Variants in MYO5B observed in about 807,000 individuals in gnomAD.
The protein encoded by MYO5B is myosin VB.
A neutral mutation model predicts 229.3 loss-of-function variants in MYO5B; 143 were observed. That is an observed-to-expected ratio of 0.62 (90% CI 0.54 to 0.72). The LOEUF (loss-of-function observed/expected upper bound fraction) is 0.72, where lower values mean the gene tolerates loss of function less well. Among genes scored for constraint, MYO5B ranks in the 30% least tolerant of loss-of-function variants. The probability of loss-of-function intolerance (pLI) is 0.00; values close to 1 mark genes in which losing one functional copy is unlikely to be tolerated. For missense variants in MYO5B, 2,321 were observed against 2,331.0 expected (o/e 1.00, Z 0.09); for synonymous variants, 918 against 885.2 (o/e 1.04, Z -0.66).
intron 1 of MYO5B, among the ~76,000 whole-genome samples, chr18:50,132,489 G>T (rs1308043251): frequency 6.6e-6 from 1 of 152,220 alleles, no homozygotes; most frequent in Non-Finnish European, 1.5e-5. Flanking sequence ...AATTAATAAT[G>T]CTGATATATA....
chr18:49,951,591 T>C (rs149107299), intron 14 of MYO5B, among the ~76,000 whole-genome samples: 9 of 152,336 alleles, frequency 5.9e-5, no homozygotes, highest in African/African-American at 2.2e-4. Context: ...CACTCCTTTT[T>C]AGATTCTGGA....
rs149501969 is a variant in MYO5B at position 49,932,200 on chromosome 18, G to A, written c.2004-2602C>T. On this transcript the variant is annotated intron_variant, in intron 16 of 39. Transcript: ENST00000285039. ...CTCTGTTCTGGTATCCCCACATCATGCTTCCTGACCTCTGGCATCCCAGTT... is the reference window on the plus strand; with the variant it reads ...CTCTGTTCTGGTATCCCCACATCATACTTCCTGACCTCTGGCATCCCAGTT... Among the ~76,000 whole-genome samples, 461 of 152,250 alleles carry A rather than the reference G, an allele frequency of 3.0e-3. 3 individuals are homozygous for A. Among genetic ancestry groups the A allele is most frequent in the African/African-American group, 0.011 (440 of 41,552 alleles).
rs150259906 is a variant in MYO5B at position 49,928,727 on chromosome 18, C to T, written c.2090+785G>A. Among the ~76,000 whole-genome samples the T allele has an allele frequency of 2.3e-3, 346 of 152,262 alleles. 2 individuals are homozygous for T. The highest frequency in any genetic ancestry group is 3.4e-3 in the Non-Finnish European group (232 of 68,020). On this transcript the variant is annotated intron_variant, in intron 17 of 39. Transcript: ENST00000285039. ...TGCAAAAATATGGAACCAGCCCACACGCCCAGTCAATGAGTGGATAAAGAA... is the reference window on the plus strand; with the variant it reads ...TGCAAAAATATGGAACCAGCCCACATGCCCAGTCAATGAGTGGATAAAGAA...
chr18:49,899,608 TG>T (rs2024817946), intron 21 of MYO5B, among the ~76,000 whole-genome samples: 1 of 152,254 alleles, frequency 6.6e-6, no homozygotes, highest in Non-Finnish European at 1.5e-5. Flanking sequence ...ATCCCAGCCA[TG>T]CTACTTACTA....
chr18:50,153,118 A>G (rs1248234418), intron 1 of MYO5B, among the ~76,000 whole-genome samples: 2 of 152,168 alleles, frequency 1.3e-5, no homozygotes, highest in Non-Finnish European at 2.9e-5. Flanking sequence ...AAGACTAATC[A>G]ATGTCCTGTG....
intron 1 of MYO5B, among the ~76,000 whole-genome samples, chr18:50,118,007 A>G (rs1197501544): frequency 6.6e-6 from 1 of 152,160 alleles, no homozygotes; most frequent in Admixed American, 6.5e-5. Flanking sequence ...AGGATAATAA[A>G]TTCAAGTGGA....
chr18:49,917,236 T>C (rs1470128550), intron 17 of MYO5B, among the ~76,000 whole-genome samples: 1 of 152,204 alleles, frequency 6.6e-6, no homozygotes, highest in East Asian at 1.9e-4. Flanking sequence ...CAGCACCTAT[T>C]GTCATGGTGT....
chr18:50,130,037 T>C (rs1342712724), intron 1 of MYO5B, among the ~76,000 whole-genome samples: 1 of 152,108 alleles, frequency 6.6e-6, no homozygotes, highest in African/African-American at 2.4e-5. Flanking sequence ...ACCTGAGCAC[T>C]CAGCATGTTC....
At chr18:49,988,989 C>T (rs139856424) in intron 7 of MYO5B, among the ~76,000 whole-genome samples, 18 of 152,258 alleles carry the variant, frequency 1.2e-4, no homozygotes, top group African/African-American at 4.1e-4. Context: ...TCCCTGGGGT[C>T]CCAATTTAAA....
At chr18:49,901,069 G>A (rs2024836126) in intron 21 of MYO5B, among the ~76,000 whole-genome samples, 1 of 152,220 alleles carries the variant, frequency 6.6e-6, no homozygotes, top group Non-Finnish European at 1.5e-5. Flanking sequence ...TCAAATAAGA[G>A]TGAACACAAA....
rs537178322 is a variant in MYO5B at position 50,006,527 on chromosome 18, G to A, written c.456-5116C>T. Reference sequence around the variant, plus strand: ...AGGTAAGGAACTTAGCCATTCTGCAGCTTCCAGGCAAAAGACCTGACAACC... The same window carrying A: ...AGGTAAGGAACTTAGCCATTCTGCAACTTCCAGGCAAAAGACCTGACAACC... On this transcript the variant is annotated intron_variant, in intron 4 of 39. Coordinates refer to ENST00000285039, the MANE Select transcript of MYO5B (RefSeq NM_001080467.3). 5.9e-5 allele frequency among the ~76,000 whole-genome samples: 9 copies of A among 152,300 alleles called. No homozygotes were observed. In the South Asian group the frequency reaches 1.7e-3, roughly 28 times the overall value.
At chr18:50,065,535 T>C (rs2030798524) in intron 1 of MYO5B, among the ~76,000 whole-genome samples, 1 of 152,098 alleles carries the variant, frequency 6.6e-6, no homozygotes, top group Non-Finnish European at 1.5e-5. Context: ...GATCTCATGA[T>C]AACTCACTCA....
chr18:50,088,862 G>A (rs186831005), intron 1 of MYO5B, among the ~76,000 whole-genome samples: 2 of 152,142 alleles, frequency 1.3e-5, no homozygotes, highest in African/African-American at 4.8e-5. Flanking sequence ...CACCTTTTTG[G>A]TTCTTCCAAA....
At chr18:49,858,038 G>A (rs1487373704) in intron 29 of MYO5B, among the ~76,000 whole-genome samples, 1 of 152,100 alleles carries the variant, frequency 6.6e-6, no homozygotes, top group African/African-American at 2.4e-5. Context: ...TCATTCCCAG[G>A]GTGCAAACCA....
chr18:49,853,728 G>C, intron 30 of MYO5B, 81 bp from the exon 31 acceptor site: 2 of 1,338,538 alleles, frequency 1.5e-6, no homozygotes, highest in Admixed American at 1.9e-5. Context: ...AACATAACAG[G>C]GGAGCAGCCA....
intron 10 of MYO5B, chr18:49,969,659 G>C (rs1875619412): frequency 6.6e-6 from 1 of 152,308 alleles, no homozygotes; most frequent in African/African-American, 2.4e-5. Context: ...TGGGATTATA[G>C]GCATGAGCCA....
Position 49,839,341 on chromosome 18 carries a change from C to G in MYO5B, c.4702-47G>C, listed in dbSNP as rs752683094. ...CTACTGAGTTCTCTGGTCTGCTGGG[C>G]CCAGCACAACTTCCAGGGCTCTGGT... On this transcript the variant is annotated intron_variant, in intron 35 of 39. Transcript: ENST00000285039. The G allele has an allele frequency of 9.4e-6, 15 of 1,603,674 alleles. No homozygotes were observed. In the East Asian group the frequency reaches 3.3e-4, roughly 36 times the overall value.
intron 1 of MYO5B, among the ~76,000 whole-genome samples, chr18:50,173,615 C>T (rs187069558): frequency 1.3e-5 from 2 of 152,172 alleles, no homozygotes; most frequent in African/African-American, 4.8e-5. Context: ...GCAAGAAGAG[C>T]GAGGATTCAA....
intron 29 of MYO5B, 61 bp downstream of exon 29, chr18:49,863,166 T>C (rs2024351668): frequency 1.6e-6 from 2 of 1,288,196 alleles, no homozygotes; most frequent in Admixed American, 3.4e-5. Flanking sequence ...CCAAACAGAC[T>C]CGTTTGGGCA....
Sources: allele counts gnomAD v4.1 joint callset (sites outside exome capture counted in the v4.1 genomes callset), GRCh38; gene constraint gnomAD v4.1.1; transcripts MANE v1.5; gene names NCBI Gene and HGNC (gene_info 2026-07-23, HGNC 2026-07-21).